The following KIF26B variants were observed in gnomAD, a reference collection of about 807,000 sequenced individuals.
KIF26B encodes the protein kinesin family member 26B.
Under a neutral mutation model 151.2 loss-of-function variants are expected in KIF26B, and 63 were observed. That is an observed-to-expected ratio of 0.42 (90% CI 0.34 to 0.51). The LOEUF is 0.51. KIF26B is among the 20% of genes least tolerant of loss of function. The pLI, the probability that KIF26B is intolerant of heterozygous loss-of-function variation, is 0.07. For missense variants in KIF26B, 2,813 were observed against 2,913.6 expected (o/e 0.97, Z 0.79); for synonymous variants, 1,357 against 1,262.1 (o/e 1.08, Z -1.59).
At position 245,540,472 on chromosome 1, in the gene KIF26B, T is replaced by G. The variant is rs949086827; in HGVS notation, c.1167-295T>G. The G allele has an allele frequency of 5.1e-5, 31 of 611,216 alleles. No individual in the cohort carries two copies. The highest frequency in any genetic ancestry group is 8.8e-5 in the Non-Finnish European group (29 of 328,372). The allele number at this position is 611,216 out of a possible 1,614,324, so 37.9% of individuals were successfully genotyped here. A position where few individuals can be genotyped will look rare whatever the true frequency, so the allele number is the denominator to read the frequency against. ...GCCCTTATCCCCAAAGATGCCCAGC[T>G]TTGTTCCTGCTTAAGCTGAATGTTG... is the stretch of plus-strand genomic sequence containing the variant. On this transcript the variant is annotated intron_variant, in intron 4 of 14. Coordinates refer to ENST00000407071, the MANE Select transcript of KIF26B (RefSeq NM_018012.4). This position sits in a 1 kb window ranked among gnomAD's most constrained non-coding sequence, Gnocchi z 4.6.
intron 9 of KIF26B, among the ~76,000 whole-genome samples, chr1:245,635,625 AT>A (rs147220147): frequency 0.11 from 16,856 of 149,112 alleles, 1,235 homozygotes; most frequent in African/African-American, 0.18. Flanking sequence ...GATTTCTGCT[AT>A]TTTTTTTCCT....
rs1372025920 is a variant in KIF26B, at chr1:245,532,700, G to A, written c.1167-8067G>A. ...ATGTTTGCCTCCTAGCAGTAAACAT[G>A]TTATTTGAAGTCATGTCATGAATTA... is the stretch of plus-strand genomic sequence containing the variant. On this transcript the variant is annotated intron_variant, in intron 4 of 14. Transcript: ENST00000407071. Among the ~76,000 whole-genome samples the A allele has an allele frequency of 2.6e-5, 4 of 151,776 alleles. No individual in the cohort carries two copies. The East Asian group carries it at 5.8e-4, about 22-fold the overall frequency.
chr1:245,242,846 T>G (rs1670235014), intron 2 of KIF26B, among the ~76,000 whole-genome samples: 1 of 152,154 alleles, frequency 6.6e-6, no homozygotes, highest in Admixed American at 6.5e-5. Context: ...GAGACGGGGT[T>G]TCACCATGTT....
At chr1:245,392,218 G>A (rs1225339549) in intron 3 of KIF26B, among the ~76,000 whole-genome samples, 10 of 152,078 alleles carry the variant, frequency 6.6e-5, no homozygotes, top group African/African-American at 1.4e-4. Context: ...GTTCTCTTTC[G>A]CCACCACCCA....
At chr1:245,155,833 G>A (rs1573676495) in intron 1 of KIF26B, among the ~76,000 whole-genome samples, 1 of 152,218 alleles carries the variant, frequency 6.6e-6, no homozygotes, top group African/African-American at 2.4e-5. Context: ...AGAGCCTCTC[G>A]TTTACCTGCA....
chr1:245,201,433 T>C (rs923706090), intron 2 of KIF26B, among the ~76,000 whole-genome samples: 5 of 152,242 alleles, frequency 3.3e-5, no homozygotes, highest in African/African-American at 1.2e-4. Flanking sequence ...GAATGCTTAG[T>C]ATTTTTAGAT....
chr1:245,628,830 C>G (rs996514777), intron 9 of KIF26B, among the ~76,000 whole-genome samples: 5 of 152,108 alleles, frequency 3.3e-5, no homozygotes, highest in South Asian at 2.1e-4. Flanking sequence ...TGCAGTTGAC[C>G]TGATTCTATA....
chr1:245,708,544 C>T lies in KIF26B; in HGVS notation c.*5938C>T, dbSNP rs1021326673. ...GGCCATAGGACAGAAAACCTGAGTTCTAATTCCAGCTTTGCCAGTCGTCCC... is the reference window on the plus strand; with the variant it reads ...GGCCATAGGACAGAAAACCTGAGTTTTAATTCCAGCTTTGCCAGTCGTCCC... On this transcript the variant is annotated 3_prime_UTR_variant, in exon 15 of 15. Transcript: ENST00000407071. 8 of 152,168 alleles carry T rather than the reference C, an allele frequency of 5.3e-5. No individual in the cohort carries two copies. Among genetic ancestry groups the T allele is most frequent in the African/African-American group, 1.9e-4 (8 of 41,412 alleles). 9.4% of individuals were successfully genotyped at this position (152,168 alleles called of 1,614,324 possible).
chr1:245,683,944 T>G (rs539019769), intron 10 of KIF26B, among the ~76,000 whole-genome samples: 2 of 152,198 alleles, frequency 1.3e-5, no homozygotes, highest in Non-Finnish European at 2.9e-5. Context: ...GGCCTCATTA[T>G]GTATAATGTC....
rs776186918 is a variant in KIF26B, at chr1:245,367,277, C to T, written c.909C>T (p.Ile303=). The T allele has an allele frequency of 6.2e-7, 1 of 1,602,850 alleles. No homozygotes were observed. Among genetic ancestry groups the T allele is most frequent in the East Asian group, 2.3e-5 (1 of 44,388 alleles). Reference sequence around the variant, plus strand: ...CCACCAGTCCAAGCAATGGGAACATCCTCAATTCGGTGGCCATCCAGGCTC... The same window carrying T: ...CCACCAGTCCAAGCAATGGGAACATTCTCAATTCGGTGGCCATCCAGGCTC... ...QMATSPSNGN[I]LNSVAIQAHQ... Residue 303 remains isoleucine, a synonymous_variant, in exon 3 of 15, where the codon ATC becomes ATT. Coordinates refer to ENST00000407071, the MANE Select transcript of KIF26B (RefSeq NM_018012.4). This position sits in a 1 kb window ranked among gnomAD's most constrained non-coding sequence, Gnocchi z 4.2.
chr1:245,546,784 C>T lies in KIF26B; in HGVS notation c.1350+5834C>T, dbSNP rs532868182. ...GGGAACGGCATAAATAATACCTATT[C>T]ATCACTATAGCTAGCCTGATAGCTT... On this transcript the variant is annotated intron_variant, in intron 5 of 14. Coordinates refer to ENST00000407071, the MANE Select transcript of KIF26B (RefSeq NM_018012.4). 3.9e-4 allele frequency among the ~76,000 whole-genome samples: 60 copies of T among 152,340 alleles called. 1 individual carries two copies. In the South Asian group the frequency reaches 0.012, roughly 30 times the overall value.
intron 2 of KIF26B, among the ~76,000 whole-genome samples, chr1:245,323,607 G>A (rs953229910): frequency 2.7e-4 from 41 of 152,188 alleles, no homozygotes; most frequent in African/African-American, 9.2e-4. Flanking sequence ...GTTCTCCTCA[G>A]AACAGTGCCC....
Position 245,155,412 on chromosome 1 carries a change from T to C in KIF26B, c.-13T>C, listed in dbSNP as rs377067786. On this transcript the variant is annotated 5_prime_UTR_variant, in exon 1 of 15. Coordinates refer to ENST00000407071, the MANE Select transcript of KIF26B (RefSeq NM_018012.4). Reference sequence around the variant, plus strand: ...GGTGGAACCTTTAGATACTCTCCTCTGGAAAAGCCACCATGAATTCGGTAG... The same window carrying C: ...GGTGGAACCTTTAGATACTCTCCTCCGGAAAAGCCACCATGAATTCGGTAG... The C allele has an allele frequency of 1.0e-4, 167 of 1,606,776 alleles. 1 individual carries two copies. The South Asian group carries it at 1.8e-3, about 17-fold the overall frequency.
chr1:245,543,266 A>G (rs1434041762), intron 5 of KIF26B, among the ~76,000 whole-genome samples: 2 of 152,142 alleles, frequency 1.3e-5, no homozygotes, highest in Non-Finnish European at 2.9e-5. Flanking sequence ...TGACACAAAA[A>G]TAGTTTAGAG....
chr1:245,464,467 G>A (rs538739137), intron 4 of KIF26B, among the ~76,000 whole-genome samples: 20 of 150,768 alleles, frequency 1.3e-4, no homozygotes, highest in African/African-American at 4.4e-4. Context: ...GTGTGCGTGC[G>A]CGTGTGGGGG....
At chr1:245,458,532 C>T (rs1319265804) in intron 4 of KIF26B, among the ~76,000 whole-genome samples, 1 of 152,202 alleles carries the variant, frequency 6.6e-6, no homozygotes, top group Non-Finnish European at 1.5e-5. Flanking sequence ...CCCTCCTTCC[C>T]TGTGTATTCC....
intron 3 of KIF26B, among the ~76,000 whole-genome samples, chr1:245,396,099 G>T (rs1022902690): frequency 6.6e-6 from 1 of 152,032 alleles, no homozygotes; most frequent in African/African-American, 2.4e-5. Context: ...CTTTGCTTAG[G>T]GTCCTTATTT....
At chr1:245,280,366 A>C (rs529875986) in intron 2 of KIF26B, among the ~76,000 whole-genome samples, 584 of 31,604 alleles carry the variant, frequency 0.018, 3 homozygotes, top group Middle Eastern at 0.054. Flanking sequence ...CAAAAAATAC[A>C]AAAAAAAAAA....
chr1:245,175,904 A>ATATATCTATATCTATATC (rs151223228), intron 2 of KIF26B, among the ~76,000 whole-genome samples: 5 of 149,556 alleles, frequency 3.3e-5, no homozygotes, highest in African/African-American at 1.2e-4. Context: ...CTCAAAACAT[A>ATATATCTATATCTATATC]TATATCTATA....
Sources: gnomAD v4.1 joint callset for allele counts (sites outside exome capture counted in the v4.1 genomes callset) on GRCh38, gnomAD v4.1.1 for gene constraint, Gnocchi (gnomAD v3.1) non-coding constraint, MANE v1.5 for transcripts, NCBI Gene and HGNC (gene_info 2026-07-23, HGNC 2026-07-21) for gene names.